Variants in CNBD1 observed in about 807,000 individuals in gnomAD.
CNBD1 encodes the protein cyclic nucleotide-binding domain-containing protein 1.
A neutral mutation model predicts 54.4 loss-of-function variants in CNBD1; 71 were observed. The observed-to-expected ratio is 1.30, with a 90% confidence interval of 1.08 to 1.59. CNBD1 has a LOEUF of 1.59. Ranked by LOEUF, CNBD1 falls within the 40% of genes most tolerant of loss-of-function variation. The pLI, the probability that CNBD1 is intolerant of heterozygous loss-of-function variation, is 0.00. For missense variants in CNBD1, 659 were observed against 518.0 expected (o/e 1.27, Z -2.64); for synonymous variants, 182 against 170.7 (o/e 1.07, Z -0.51).
intron 4 of CNBD1, among the ~76,000 whole-genome samples, chr8:87,112,639 C>A (rs1339795028): frequency 6.6e-6 from 1 of 152,168 alleles, no homozygotes; most frequent in Non-Finnish European, 1.5e-5. Flanking sequence ...ATCTTTCAAA[C>A]ACCAATGATA....
intron 4 of CNBD1, among the ~76,000 whole-genome samples, chr8:87,127,944 A>G (rs1416798781): frequency 6.6e-6 from 1 of 152,114 alleles, no homozygotes; most frequent in Non-Finnish European, 1.5e-5. Flanking sequence ...TCCTGTACCC[A>G]TATAAACCCC....
intron 4 of CNBD1, among the ~76,000 whole-genome samples, chr8:86,988,857 C>CT (rs1355380725): frequency 6.6e-6 from 1 of 152,200 alleles, no homozygotes; most frequent in Non-Finnish European, 1.5e-5. Context: ...GGATCTCATC[C>CT]TTTTTTATGG....
intron 4 of CNBD1, among the ~76,000 whole-genome samples, chr8:87,167,492 C>T (rs1010983250): frequency 3.3e-5 from 5 of 151,826 alleles, no homozygotes; most frequent in Non-Finnish European, 5.9e-5. Flanking sequence ...GAGTCTCGCT[C>T]TGTCACCCAG....
intron 2 of CNBD1, among the ~76,000 whole-genome samples, chr8:87,423,485 AG>A (rs1403146890): frequency 7.2e-5 from 11 of 151,796 alleles, no homozygotes; most frequent in South Asian, 2.1e-4. Flanking sequence ...TTTAGCATGA[AG>A]GGTTGTTGAA....
At chr8:87,234,771 T>C (rs1807537709) in intron 5 of CNBD1, among the ~76,000 whole-genome samples, 1 of 152,168 alleles carries the variant, frequency 6.6e-6, no homozygotes, top group African/African-American at 2.4e-5. Flanking sequence ...TCAGCTGACC[T>C]GCATGTCACC....
chr8:86,949,226 T>C (rs1448214844), intron 4 of CNBD1, among the ~76,000 whole-genome samples: 1 of 152,216 alleles, frequency 6.6e-6, no homozygotes, highest in Non-Finnish European at 1.5e-5. Flanking sequence ...TAACTTCAGC[T>C]ATGCAGGATC....
intron 4 of CNBD1, among the ~76,000 whole-genome samples, chr8:87,185,417 T>C (rs1312762752): frequency 2.0e-5 from 3 of 152,210 alleles, no homozygotes; most frequent in African/African-American, 7.2e-5. Context: ...CTGCTGAACA[T>C]GTTTATATCA....
intron 8 of CNBD1, among the ~76,000 whole-genome samples, chr8:87,346,545 C>T (rs998780866): frequency 1.3e-5 from 2 of 151,792 alleles, no homozygotes; most frequent in South Asian, 4.1e-4. Context: ...ATGTCTCTAT[C>T]TATGTGTATA....
intron 6 of CNBD1, among the ~76,000 whole-genome samples, chr8:87,279,744 C>T (rs1323839192): frequency 6.6e-6 from 1 of 150,668 alleles, no homozygotes; most frequent in Non-Finnish European, 1.5e-5. Flanking sequence ...ATAAATATAA[C>T]TAAATATGTG....
At chr8:86,941,255 A>G (rs2130428752) in intron 4 of CNBD1, among the ~76,000 whole-genome samples, 1 of 152,340 alleles carries the variant, frequency 6.6e-6, no homozygotes, top group East Asian at 1.9e-4. Flanking sequence ...GAGTAAAATT[A>G]AACTTGTAAG....
At chr8:87,359,045 A>G (rs1055654134) in intron 10 of CNBD1, among the ~76,000 whole-genome samples, 9 of 152,168 alleles carry the variant, frequency 5.9e-5, no homozygotes, top group Non-Finnish European at 1.3e-4. Context: ...ACATCTGGAA[A>G]TGTTTTACCA....
intron 10 of CNBD1, among the ~76,000 whole-genome samples, chr8:87,380,401 ACT>A (rs1275374055): frequency 6.6e-6 from 1 of 151,794 alleles, no homozygotes; most frequent in African/African-American, 2.4e-5. Flanking sequence ...GCAATACCAT[ACT>A]GTTTTGATTA....
At position 87,029,683 on chromosome 8, in the gene CNBD1, C is replaced by T. The variant is rs80146201; in HGVS notation, c.431+89929C>T. The stretch of plus-strand genomic sequence containing the variant: ...AGAGGAGGAGTGAGAAAGGGCCTCA[C>T]ACTATTTTGTTAAAAGTCTTAAATA... On this transcript the variant is annotated intron_variant, in intron 4 of 10. Coordinates refer to ENST00000518476, the MANE Select transcript of CNBD1 (RefSeq NM_173538.3). Among the ~76,000 whole-genome samples the T allele has an allele frequency of 2.2e-3, 337 of 152,014 alleles. 1 individual carries two copies. The highest frequency in any genetic ancestry group is 7.8e-3 in the African/African-American group (322 of 41,490).
rs977006377 is a variant in CNBD1 at position 87,201,792 on chromosome 8, C to T, written c.432-4201C>T. Among the ~76,000 whole-genome samples the T allele has an allele frequency of 3.9e-5, 6 of 152,052 alleles. No individual in the cohort carries two copies. In the East Asian group the frequency reaches 1.2e-3, roughly 29 times the overall value. On this transcript the variant is annotated intron_variant, in intron 4 of 10. Transcript: ENST00000518476. Reference sequence around the variant, plus strand: ...TTATTTATTTTTTGAGATGCAGTCTCATTCTGTCGCCCAGGCTGGAGTGCA... The same window carrying T: ...TTATTTATTTTTTGAGATGCAGTCTTATTCTGTCGCCCAGGCTGGAGTGCA...
intron 4 of CNBD1, among the ~76,000 whole-genome samples, chr8:87,082,308 C>G (rs1811012182): frequency 6.6e-6 from 1 of 152,098 alleles, no homozygotes; most frequent in East Asian, 1.9e-4. Flanking sequence ...CTACCCAAAT[C>G]CTATAAAACT....
At position 87,353,739 on chromosome 8, in the gene CNBD1, C is replaced by G; in HGVS notation, c.1256C>G (p.Thr419Ser). ...GTTCCTTTCACGTGCACAATCATTACCAAAAAAGAAGTTGAGATGGCAATC... is the reference window on the plus strand; with the variant it reads ...GTTCCTTTCACGTGCACAATCATTAGCAAAAAAGAAGTTGAGATGGCAATC... Reference protein sequence around the residue: ...LQVPFTCTIITKKEVEMAIIE... With the variant: ...LQVPFTCTIISKKEVEMAIIE... The change falls in exon 10 of 11, where the codon ACC becomes AGC. Residue 419 changes from threonine to serine, a missense_variant. By Grantham distance (58) the Thr-to-Ser change is moderately conservative. Coordinates refer to ENST00000518476, the MANE Select transcript of CNBD1 (RefSeq NM_173538.3). 1 of 1,610,472 alleles carries G rather than the reference C, an allele frequency of 6.2e-7. No homozygotes were observed. Among genetic ancestry groups the G allele is most frequent in the Non-Finnish European group, 8.5e-7 (1 of 1,178,386 alleles).
intron 4 of CNBD1, among the ~76,000 whole-genome samples, chr8:87,098,683 T>A (rs1174095009): frequency 6.6e-6 from 1 of 151,698 alleles, no homozygotes; most frequent in Non-Finnish European, 1.5e-5. Context: ...TCAACAACTG[T>A]TCATCAACAA....
chr8:86,985,806 A>G (rs1363311530), intron 4 of CNBD1, among the ~76,000 whole-genome samples: 3 of 152,220 alleles, frequency 2.0e-5, no homozygotes, highest in Non-Finnish European at 4.4e-5. Context: ...ACTAACTTGC[A>G]TTCCCACCAA....
At chr8:86,908,539 T>C (rs189276569) in intron 3 of CNBD1, among the ~76,000 whole-genome samples, 119 of 152,268 alleles carry the variant, frequency 7.8e-4, no homozygotes, top group African/African-American at 2.8e-3. Flanking sequence ...TTGAAAAAAC[T>C]TTTAAATTGT....
Sources: gnomAD v4.1 joint callset for allele counts (sites outside exome capture counted in the v4.1 genomes callset) on GRCh38, gnomAD v4.1.1 for gene constraint, MANE v1.5 for transcripts, NCBI Gene and HGNC (gene_info 2026-07-23, HGNC 2026-07-21) for gene names.